PTH1R: variants seen among roughly 807,000 people sequenced by gnomAD.
PTH1R encodes the protein parathyroid hormone 1 receptor.
Under a neutral mutation model 70.7 loss-of-function variants are expected in PTH1R, and 32 were observed. That is an observed-to-expected ratio of 0.45 (90% CI 0.34 to 0.61). The LOEUF (loss-of-function observed/expected upper bound fraction) is 0.61. Ranked by LOEUF, PTH1R falls within the 20% of genes least tolerant of loss-of-function variation. PTH1R has a pLI of 0.01. For synonymous variants in PTH1R, 329 were observed against 324.8 expected (o/e 1.01, Z -0.14); for missense variants, 626 against 792.5 (o/e 0.79, Z 2.52).
Position 46,895,772 on chromosome 3 carries a change from G to C in PTH1R, c.216G>C (p.Ala72=), listed in dbSNP as rs116789130. 3.7e-6 allele frequency: 6 copies of C among 1,614,128 alleles called. No individual in the cohort carries two copies. Among genetic ancestry groups the C allele is most frequent in the Non-Finnish European group, 5.1e-6 (6 of 1,180,022 alleles). ...AATCAGACAAGGGATGGACATCTGC[G>C]TCCACATCAGGGAAGCCCAGGAAAG... ...IMESDKGWTS[A]STSGKPRKDK... The change falls in exon 5 of 16, where the codon GCG becomes GCC. Residue 72 remains alanine (A), a synonymous_variant. Transcript: ENST00000449590.
At chr3:46,881,409 C>G (rs1357380264) in intron 2 of PTH1R, among the ~76,000 whole-genome samples, 6 of 152,152 alleles carry the variant, frequency 3.9e-5, no homozygotes, top group Non-Finnish European at 8.8e-5. Context: ...CCAGGCGGCC[C>G]GGTCCGAGCC....
At position 46,902,619 on chromosome 3, in the gene PTH1R, G is replaced by A. The variant is rs142921504; in HGVS notation, c.1305G>A (p.Thr435=). The part of the protein sequence containing the change: ...MATPYTEVSG[T]LWQVQMHYEM... The stretch of plus-strand genomic sequence containing the variant: ...CACCATACACCGAGGTCTCAGGGAC[G>A]CTCTGGCAAGTCCAGATGCACTATG... Residue 435 remains threonine (T), a synonymous_variant, in exon 14 of 16, where the codon ACG becomes ACA. Coordinates refer to ENST00000449590, the MANE Select transcript of PTH1R (RefSeq NM_000316.3). The surrounding 1 kb of genome is among the most constrained non-coding windows in gnomAD (Gnocchi z 5.4). 1.8e-3 allele frequency: 2,886 copies of A among 1,613,976 alleles called. 8 individuals carry two copies. Among genetic ancestry groups the A allele is most frequent in the Middle Eastern group, 8.0e-3 (48 of 5,982 alleles).
At chr3:46,898,880 G>C in intron 9 of PTH1R, 23 bp downstream of exon 9, 1 of 1,474,796 alleles carries the variant, frequency 6.8e-7, no homozygotes, top group Non-Finnish European at 9.0e-7. Flanking sequence ...CTGCCCGCCC[G>C]CTCCCGGTGC....
chr3:46,881,591 C>T (rs1188290167), intron 2 of PTH1R, among the ~76,000 whole-genome samples: 1 of 152,158 alleles, frequency 6.6e-6, no homozygotes, highest in African/African-American at 2.4e-5. Flanking sequence ...AGACCCGGAC[C>T]CGAAGAGACG....
intron 9 of PTH1R, 38 bp downstream of exon 9, chr3:46,898,895 A>G: frequency 1.4e-6 from 2 of 1,430,148 alleles, no homozygotes; most frequent in Non-Finnish European, 9.3e-7. Flanking sequence ...CGGTGCCGCC[A>G]CTGGCCTCGT....
rs771445019 is a variant in PTH1R, at chr3:46,894,043, G to A, written c.178+34G>A. ...CAAAGGAAGAGGGTCTGGGGATGAG[G>A]TCAGGTGAGGGAGGGGCCAGTCAAG... On this transcript the variant is annotated intron_variant, in intron 4 of 15. Coordinates refer to ENST00000449590, the MANE Select transcript of PTH1R (RefSeq NM_000316.3). The A allele has an allele frequency of 1.0e-5, 16 of 1,603,432 alleles. No individual in the cohort carries two copies. In the South Asian group the frequency reaches 1.7e-4, roughly 17 times the overall value.
rs779982498 is a variant in PTH1R, at chr3:46,903,328, G to A, written c.1454G>A (p.Arg485Gln). ...SRWTLALDFK[R>Q]KARSGSSSYS... The stretch of plus-strand genomic sequence containing the variant: ...TGGACACTGGCACTGGACTTCAAGC[G>A]AAAGGCACGCAGCGGGAGCAGCAGC... The change falls in exon 16 of 16, where the codon CGA becomes CAA. Residue 485 changes from arginine to glutamine, a missense_variant. Arg to Gln is a conservative substitution (Grantham distance 43). Around this residue, in one of 3 missense-constraint regions of PTH1R, gnomAD observed 495 missense variants for 638.7 expected, o/e 0.77. Transcript: ENST00000449590. This position sits in a 1 kb window ranked among gnomAD's most constrained non-coding sequence, Gnocchi z 4.4. 1.4e-5 allele frequency: 22 copies of A among 1,613,558 alleles called. No homozygotes were observed. Among genetic ancestry groups the A allele is most frequent in the Non-Finnish European group, 1.7e-5 (20 of 1,180,034 alleles).
Position 46,893,863 on chromosome 3 carries a change from T to G in PTH1R, c.76-44T>G, listed in dbSNP as rs375037678. On this transcript the variant is annotated intron_variant, in intron 3 of 15. Transcript: ENST00000449590. The surrounding 1 kb of genome is among the most constrained non-coding windows in gnomAD (Gnocchi z 5.2). ...TTGGGATGTCTCTGGGACCTGCTGC[T>G]GCGCCGGAAAGTCCTGCCTGTGGTC... is the stretch of plus-strand genomic sequence containing the variant. 6.3e-7 allele frequency: 1 copy of G among 1,589,802 alleles called. No homozygotes were observed. The highest frequency in any genetic ancestry group is 1.3e-5 in the African/African-American group (1 of 74,516).
chr3:46,899,471 C>CG lies in PTH1R; in HGVS notation c.988+18dup. On this transcript the variant is annotated intron_variant, in intron 10 of 15. Transcript: ENST00000449590. ...CTTCGGCTGGGGTACGCGGGCACAG[C>CG]GGGTAGCGAGGTGCCGGCAGGGGTG... is the stretch of plus-strand genomic sequence containing the variant. 10 of 1,606,538 alleles carry CG rather than the reference C, an allele frequency of 6.2e-6. No homozygotes were observed. The highest frequency in any genetic ancestry group is 8.5e-6 in the Non-Finnish European group (10 of 1,176,118).
At chr3:46,887,221 C>G (rs1205611762) in intron 3 of PTH1R, among the ~76,000 whole-genome samples, 4 of 150,998 alleles carry the variant, frequency 2.6e-5, no homozygotes, top group Admixed American at 2.6e-4. Context: ...CCCTGGGCGA[C>G]AGAGGCTCTG....
chr3:46,899,059 A>T, intron 9 of PTH1R, among the ~76,000 whole-genome samples: 1 of 151,956 alleles, frequency 6.6e-6, no homozygotes, highest in South Asian at 2.1e-4. Flanking sequence ...AGTGTCCCAC[A>T]CGCCCCGCGC....
chr3:46,893,772 G>A lies in PTH1R; in HGVS notation c.76-135G>A. On this transcript the variant is annotated intron_variant, in intron 3 of 15. Transcript: ENST00000449590. This position sits in a 1 kb window ranked among gnomAD's most constrained non-coding sequence, Gnocchi z 5.2. ...GCTCCATAGAGCAGATTCCCCACAT[G>A]CAGGGGAAATCCCACCTTCCCTCTA... 1 of 793,558 alleles carries A rather than the reference G, an allele frequency of 1.3e-6. No individual in the cohort carries two copies. Among genetic ancestry groups the A allele is most frequent in the East Asian group, 2.7e-5 (1 of 37,020 alleles). 49.2% of individuals were successfully genotyped at this position (793,558 alleles called of 1,614,324 possible).
chr3:46,898,526 C>G, intron 8 of PTH1R, 54 bp downstream of exon 8: 1 of 1,605,208 alleles, frequency 6.2e-7, no homozygotes, highest in South Asian at 1.1e-5. Flanking sequence ...GGGCGGTGGC[C>G]GAGGTCTGAT....
At chr3:46,899,239 C>A in intron 9 of PTH1R, 64 bp from the exon 10 acceptor site, 3 of 1,608,204 alleles carry the variant, frequency 1.9e-6, no homozygotes, top group African/African-American at 1.3e-5. Flanking sequence ...CCCAGCCCCC[C>A]AGCCCAGCCC....
chr3:46,897,304 G>A (rs1250285261), intron 5 of PTH1R, among the ~76,000 whole-genome samples: 3 of 152,264 alleles, frequency 2.0e-5, no homozygotes, highest in African/African-American at 4.8e-5. Flanking sequence ...AATGGGGCCA[G>A]TGCCAGTACC....
In PTH1R at chr3:46,897,904, G is replaced by T. The variant is rs759418110; in HGVS notation, c.363G>T (p.Gly121=). ...EWDHILCWPL[G]APGEVVAVPC... ...ACCACATCCTGTGCTGGCCGCTGGG[G>T]GCACCAGGTGAGGTGGTGGCTGTGC... The change falls in exon 6 of 16, where the codon GGG becomes GGT. Residue 121 remains glycine, a synonymous_variant. Coordinates refer to ENST00000449590, the MANE Select transcript of PTH1R (RefSeq NM_000316.3). The T allele has an allele frequency of 6.2e-7, 1 of 1,614,004 alleles. No homozygotes were observed. The highest frequency in any genetic ancestry group is 1.1e-5 in the South Asian group (1 of 91,070).
chr3:46,901,384 G>A lies in PTH1R; in HGVS notation c.1050-30G>A, dbSNP rs1466958685. 1.9e-6 allele frequency: 3 copies of A among 1,555,694 alleles called. No individual in the cohort carries two copies. Among genetic ancestry groups the A allele is most frequent in the Non-Finnish European group, 2.6e-6 (3 of 1,148,914 alleles). On this transcript the variant is annotated intron_variant, in intron 11 of 15. Transcript: ENST00000449590. The surrounding 1 kb of genome is among the most constrained non-coding windows in gnomAD (Gnocchi z 7.3). ...GCAGTCTTAGGATGGGAACAGGAGG[G>A]ATGGGAGCTAATGCCTCAACCTCCC... is the stretch of plus-strand genomic sequence containing the variant.
intron 1 of PTH1R, chr3:46,880,431 G>C (rs1330148321): frequency 6.6e-6 from 1 of 152,322 alleles, no homozygotes; most frequent in Non-Finnish European, 1.5e-5. Context: ...ACAGAGAAGG[G>C]AGGCAGCCAT....
intron 3 of PTH1R, among the ~76,000 whole-genome samples, chr3:46,885,339 G>A (rs1404953856): frequency 6.6e-6 from 1 of 152,100 alleles, no homozygotes; most frequent in Non-Finnish European, 1.5e-5. Context: ...GTTTTCTTAT[G>A]TGTATTTCAT....
Sources: allele counts gnomAD v4.1 joint callset (sites outside exome capture counted in the v4.1 genomes callset), GRCh38; gene constraint gnomAD v4.1.1; regional missense constraint gnomAD v4.1.1; non-coding constraint Gnocchi (gnomAD v3.1); transcripts MANE v1.5; gene names NCBI Gene and HGNC (gene_info 2026-07-23, HGNC 2026-07-21).